The following ZFAND2B variants were observed in gnomAD, a reference collection of about 807,000 sequenced individuals.
ZFAND2B encodes zinc finger AN1-type containing 2B.
ZFAND2B carries 27 observed loss-of-function variants against 38.2 expected under a neutral mutation model. That is an observed-to-expected ratio of 0.71 (90% CI 0.52 to 0.97). The LOEUF is 0.97. Among genes scored for constraint, ZFAND2B ranks in the 50% least tolerant of loss-of-function variants. ZFAND2B has a pLI of 0.00. For synonymous variants in ZFAND2B, 111 were observed against 119.4 expected (o/e 0.93, Z 0.46); for missense variants, 303 against 331.5 (o/e 0.91, Z 0.67).
At position 219,209,596 on chromosome 2, in the gene ZFAND2B, G is replaced by C. The variant is rs1230190038; in HGVS notation, c.*290G>C. 1.5e-6 allele frequency: 1 copy of C among 666,588 alleles called. No homozygotes were observed. Among genetic ancestry groups the C allele is most frequent in the East Asian group, 3.0e-5 (1 of 33,518 alleles). The allele number at this position is 666,588 out of a possible 1,614,324, so 41.3% of individuals were successfully genotyped here. A position where few individuals can be genotyped will look rare whatever the true frequency, so the allele number is the denominator to read the frequency against. ...TGCTGGAGCTGCCCCGATGTGGAGT[G>C]GGCAGGAAGGGGCCTGGAAAAAATA... On this transcript the variant is annotated 3_prime_UTR_variant, in exon 9 of 9. Coordinates refer to ENST00000289528, the MANE Select transcript of ZFAND2B (RefSeq NM_138802.3).
Position 219,209,567 on chromosome 2 carries a change from C to T in ZFAND2B, c.*261C>T. 1.4e-6 allele frequency: 1 copy of T among 689,984 alleles called. No homozygotes were observed. Among genetic ancestry groups the T allele is most frequent in the Non-Finnish European group, 2.7e-6 (1 of 368,434 alleles). The allele number at this position is 689,984 out of a possible 1,614,324, so 42.7% of individuals were successfully genotyped here. On this transcript the variant is annotated 3_prime_UTR_variant, in exon 9 of 9. Coordinates refer to ENST00000289528, the MANE Select transcript of ZFAND2B (RefSeq NM_138802.3). The stretch of plus-strand genomic sequence containing the variant: ...TTAGCCCCTTCATCATGTCATCTCC[C>T]TTATGCTGGAGCTGCCCCGATGTGG...
rs762441998 is a variant in ZFAND2B, at chr2:219,207,681, G to A, written c.184G>A (p.Val62Met). ...GGTACCTGTGTGCCCTCTCTGTAATGTGCCTGTGCCTGTGGCCAGAGGGGA... is the reference window on the plus strand; with the variant it reads ...GGTACCTGTGTGCCCTCTCTGTAATATGCCTGTGCCTGTGGCCAGAGGGGA... ...IQVPVCPLCNVPVPVARGEPP... is the reference protein window; with the variant it reads ...IQVPVCPLCNMPVPVARGEPP... Residue 62 changes from valine (V) to methionine (M), a missense_variant, in exon 3 of 9, where the codon GTG (valine) becomes ATG (methionine). Val to Met is a conservative substitution (Grantham distance 21, BLOSUM62 1). Transcript: ENST00000289528. 12 of 1,614,016 alleles carry A rather than the reference G, an allele frequency of 7.4e-6. No individual in the cohort carries two copies. The African/African-American group carries it at 1.1e-4, about 14-fold the overall frequency.
intron 8 of ZFAND2B, 32 bp from the exon 9 acceptor site, chr2:219,209,230 G>A: frequency 6.3e-7 from 1 of 1,596,280 alleles, no homozygotes; most frequent in East Asian, 2.2e-5. Context: ...GTTGCACTGT[G>A]TCTTCCCCTC....
Position 219,207,661 on chromosome 2 carries a change from C to T in ZFAND2B, c.164C>T (p.Pro55Leu), listed in dbSNP as rs367713884. The T allele has an allele frequency of 6.2e-7, 1 of 1,614,104 alleles. No individual in the cohort carries two copies. The highest frequency in any genetic ancestry group is 1.3e-5 in the African/African-American group (1 of 74,936). The change falls in exon 3 of 9, where the codon CCT (proline) becomes CTT (leucine). Residue 55 changes from proline (P) to leucine (L), a missense_variant. Pro to Leu is a moderately conservative substitution (Grantham distance 98). Coordinates refer to ENST00000289528, the MANE Select transcript of ZFAND2B (RefSeq NM_138802.3). ...GSAYQKDIQVPVCPLCNVPVP... is the reference protein window; with the variant it reads ...GSAYQKDIQVLVCPLCNVPVP... ...CCTTGACTACAGGATATCCAGGTAC[C>T]TGTGTGCCCTCTCTGTAATGTGCCT...
chr2:219,209,015 T>C lies in ZFAND2B; in HGVS notation c.695T>C (p.Leu232Pro). ...GAAGACCTAGCTTTAGCACAAGCAC[T>C]GTCAGCCAGTGAGGCAGAATACCAG... ...EEEDLALAQALSASEAEYQRQ... is the reference protein window; with the variant it reads ...EEEDLALAQAPSASEAEYQRQ... Residue 232 changes from leucine (L) to proline (P), a missense_variant, in exon 8 of 9, where the codon CTG (leucine) becomes CCG (proline). Leu to Pro is a moderately conservative substitution (Grantham distance 98). Coordinates refer to ENST00000289528, the MANE Select transcript of ZFAND2B (RefSeq NM_138802.3). The C allele has an allele frequency of 6.2e-7, 1 of 1,614,186 alleles. No homozygotes were observed. Among genetic ancestry groups the C allele is most frequent in the Non-Finnish European group, 8.5e-7 (1 of 1,180,024 alleles).
rs1950548196 is a variant in ZFAND2B at position 219,209,628 on chromosome 2, C to A, written c.*322C>A. 1 of 637,962 alleles carries A rather than the reference C, an allele frequency of 1.6e-6. No individual in the cohort carries two copies. The highest frequency in any genetic ancestry group is 1.8e-5 in the African/African-American group (1 of 54,962). The allele number at this position is 637,962 out of a possible 1,614,324, so 39.5% of individuals were successfully genotyped here. A position where few individuals can be genotyped will look rare whatever the true frequency, so the allele number is the denominator to read the frequency against. ...AAGGGGCCTGGAAAAAATAAAGGAT[C>A]TTGGCAGTTGATAAAACGTACAAGT... On this transcript the variant is annotated 3_prime_UTR_variant, in exon 9 of 9. Coordinates refer to ENST00000289528, the MANE Select transcript of ZFAND2B (RefSeq NM_138802.3).
Position 219,209,404 on chromosome 2 carries a change from C to T in ZFAND2B, c.*98C>T. The T allele has an allele frequency of 1.4e-6, 2 of 1,434,252 alleles. No individual in the cohort carries two copies. Among genetic ancestry groups the T allele is most frequent in the Non-Finnish European group, 1.9e-6 (2 of 1,036,126 alleles). The allele number at this position is 1,434,252 out of a possible 1,614,324, so 88.8% of individuals were successfully genotyped here. Reference sequence around the variant, plus strand: ...AGGAGGCCCGGAGCACCCTGGAGGGCAGAGACAAGCGGGAGTGATGTGGAG... The same window carrying T: ...AGGAGGCCCGGAGCACCCTGGAGGGTAGAGACAAGCGGGAGTGATGTGGAG... On this transcript the variant is annotated 3_prime_UTR_variant, in exon 9 of 9. Coordinates refer to ENST00000289528, the MANE Select transcript of ZFAND2B (RefSeq NM_138802.3).
In ZFAND2B at chr2:219,208,444, G is replaced by C. The variant is rs372552283; in HGVS notation, c.546G>C (p.Pro182=). The change falls in exon 6 of 9, where the codon CCG becomes CCC. Residue 182 remains proline, a synonymous_variant. Coordinates refer to ENST00000289528, the MANE Select transcript of ZFAND2B (RefSeq NM_138802.3). ...GTCGTAGAGCCACAACCCGATCTCC[G>C]TCCTGGACAGCCCCTCCAGTGATTG... ...TSPSRATTRS[P]SWTAPPVIAL... is the part of the protein sequence containing the mutation. 1.2e-6 allele frequency: 2 copies of C among 1,614,210 alleles called. No homozygotes were observed. Among genetic ancestry groups the C allele is most frequent in the South Asian group, 2.2e-5 (2 of 91,078 alleles).
At chr2:219,207,167 T>C (rs1469911098) in intron 1 of ZFAND2B, 125 bp downstream of exon 1, 6 of 412,364 alleles carry the variant, frequency 1.5e-5, no homozygotes, top group Non-Finnish European at 2.4e-5. Context: ...TGGGGGGGGG[T>C]GGTCAGCGGC....
chr2:219,209,204 C>G (rs1950538528), intron 8 of ZFAND2B, 58 bp from the exon 9 acceptor site: 6 of 1,576,238 alleles, frequency 3.8e-6, no homozygotes, highest in Non-Finnish European at 5.2e-6. Context: ...TGAGGGCTGT[C>G]CCTCATTTCC....
intron 2 of ZFAND2B, 64 bp downstream of exon 2, chr2:219,207,485 C>G (rs973574323): frequency 1.9e-6 from 3 of 1,586,422 alleles, no homozygotes; most frequent in African/African-American, 2.7e-5. Flanking sequence ...TCCCCCAAAT[C>G]TGTGTCTCAC....
rs756534950 is a variant in ZFAND2B, at chr2:219,209,612, G to A, written c.*306G>A. The A allele has an allele frequency of 7.7e-6, 5 of 648,790 alleles. No homozygotes were observed. The South Asian group carries it at 7.9e-5, about 10-fold the overall frequency. The allele number at this position is 648,790 out of a possible 1,614,324, so 40.2% of individuals were successfully genotyped here. ...ATGTGGAGTGGGCAGGAAGGGGCCT[G>A]GAAAAAATAAAGGATCTTGGCAGTT... is the stretch of plus-strand genomic sequence containing the variant. On this transcript the variant is annotated 3_prime_UTR_variant, in exon 9 of 9. Transcript: ENST00000289528.
chr2:219,206,888 A>C lies in ZFAND2B; in HGVS notation c.-100A>C. 7.6e-7 allele frequency: 1 copy of C among 1,313,178 alleles called. No homozygotes were observed. Among genetic ancestry groups the C allele is most frequent in the Non-Finnish European group, 1.1e-6 (1 of 947,826 alleles). 81.3% of individuals were successfully genotyped at this position (1,313,178 alleles called of 1,614,324 possible). On this transcript the variant is annotated 5_prime_UTR_variant, in exon 1 of 9. Coordinates refer to ENST00000289528, the MANE Select transcript of ZFAND2B (RefSeq NM_138802.3). ...GGGGAGAGGAAGGGGCGGGGCAGGG[A>C]GCCCGCCAGAGTGCGGGGTCGCGGT...
At position 219,208,056 on chromosome 2, in the gene ZFAND2B, C is replaced by T. The variant is rs374534927; in HGVS notation, c.434+18C>T. ...CGGGCAGGGTAATGGCAGCCAAGTC[C>T]TCCACTTGCTTTTGGGAAGCATTCT... On this transcript the variant is annotated intron_variant, in intron 4 of 8. Transcript: ENST00000289528. 2.6e-4 allele frequency: 427 copies of T among 1,613,732 alleles called. 3 individuals are homozygous for T. Among genetic ancestry groups the T allele is most frequent in the Middle Eastern group, 1.4e-3 (8 of 5,832 alleles).
rs1950538441 is a variant in ZFAND2B, at chr2:219,209,198, G to T, written c.730-64G>T. ...AGCCCATGCTGAGCTCTGAAATGAG[G>T]GCTGTCCCTCATTTCCTTGACGTTG... is the stretch of plus-strand genomic sequence containing the variant. On this transcript the variant is annotated intron_variant, in intron 8 of 8. Coordinates refer to ENST00000289528, the MANE Select transcript of ZFAND2B (RefSeq NM_138802.3). The T allele has an allele frequency of 6.4e-6, 10 of 1,574,710 alleles. No individual in the cohort carries two copies. The South Asian group carries it at 9.3e-5, about 15-fold the overall frequency.
rs1175236664 is a variant in ZFAND2B at position 219,208,001 on chromosome 2, G to A, written c.397G>A (p.Asp133Asn). ...CIKHRHPLDH[D>N]CSGEGHPTSR... ...CAAGCACCGGCATCCACTGGACCAT[G>A]ATTGCTCTGGGGAGGGGCACCCAAC... Residue 133 changes from aspartate to asparagine, a missense_variant, in exon 4 of 9, where the codon GAT becomes AAT. Physicochemically the swap from Asp to Asn is conservative, Grantham distance 23. Coordinates refer to ENST00000289528, the MANE Select transcript of ZFAND2B (RefSeq NM_138802.3). The A allele has an allele frequency of 6.2e-7, 1 of 1,614,144 alleles. No individual in the cohort carries two copies. Among genetic ancestry groups the A allele is most frequent in the Non-Finnish European group, 8.5e-7 (1 of 1,180,042 alleles).
chr2:219,207,059 G>T lies in ZFAND2B; in HGVS notation c.55+17G>T. On this transcript the variant is annotated intron_variant, in intron 1 of 8. Transcript: ENST00000289528. The stretch of plus-strand genomic sequence containing the variant: ...AGCGCTTGGGTGAGGGGCGGAGCGC[G>T]CGGGGGGCGGGGCCCAGCGGACAGG... 6.3e-7 allele frequency: 1 copy of T among 1,591,632 alleles called. No homozygotes were observed.
chr2:219,206,803 A>C lies in ZFAND2B; in HGVS notation c.-185A>C. ...TGACGTCAGCGCGCCGCGCGCGCCG[A>C]GGGAGGAGCGGGCGCCGGGGGCCGG... is the stretch of plus-strand genomic sequence containing the variant. On this transcript the variant is annotated 5_prime_UTR_variant, in exon 1 of 9. Coordinates refer to ENST00000289528, the MANE Select transcript of ZFAND2B (RefSeq NM_138802.3). 2 of 523,184 alleles carry C rather than the reference A, an allele frequency of 3.8e-6. No homozygotes were observed. The highest frequency in any genetic ancestry group is 3.1e-6 in the Non-Finnish European group (1 of 319,018). The allele number at this position is 523,184 out of a possible 1,614,324, so 32.4% of individuals were successfully genotyped here.
Position 219,206,884 on chromosome 2 carries a change from A to C in ZFAND2B, c.-104A>C. The C allele has an allele frequency of 1.6e-6, 2 of 1,244,704 alleles. No homozygotes were observed. The highest frequency in any genetic ancestry group is 1.1e-6 in the Non-Finnish European group (1 of 891,832). 77.1% of individuals were successfully genotyped at this position (1,244,704 alleles called of 1,614,324 possible). A position where few individuals can be genotyped will look rare whatever the true frequency, so the allele number is the denominator to read the frequency against. ...GGCGGGGGAGAGGAAGGGGCGGGGCAGGGAGCCCGCCAGAGTGCGGGGTCG... is the reference window on the plus strand; with the variant it reads ...GGCGGGGGAGAGGAAGGGGCGGGGCCGGGAGCCCGCCAGAGTGCGGGGTCG... On this transcript the variant is annotated 5_prime_UTR_variant, in exon 1 of 9. Transcript: ENST00000289528.
Sources: allele counts gnomAD v4.1 joint callset, GRCh38; gene constraint gnomAD v4.1.1; transcripts MANE v1.5; gene names NCBI Gene and HGNC (gene_info 2026-07-23, HGNC 2026-07-21).